Variants in TAF9 observed in about 807,000 individuals in gnomAD.
TAF9 encodes the protein TATA-box binding protein associated factor 9, also known as transcription initiation factor TFIID subunit 9.
TAF9 carries 10 observed loss-of-function variants against 16.5 expected under a neutral mutation model. The observed-to-expected ratio is 0.61, with a 90% confidence interval of 0.37 to 1.03. The LOEUF is 1.03. Ranked by LOEUF, TAF9 falls within the 50% of genes least tolerant of loss-of-function variation. The pLI is 0.01. For synonymous variants in TAF9, 105 were observed against 120.5 expected (o/e 0.87, Z 0.84); for missense variants, 288 against 319.1 (o/e 0.90, Z 0.74).
chr5:69,365,742 T>G lies in TAF9; in HGVS notation c.-5A>C, dbSNP rs747145817. 2 of 1,529,116 alleles carry G rather than the reference T, an allele frequency of 1.3e-6. No homozygotes were observed. Among genetic ancestry groups the G allele is most frequent in the Non-Finnish European group, 1.8e-6 (2 of 1,139,322 alleles). The allele number at this position is 1,529,116 out of a possible 1,614,324, so 94.7% of individuals were successfully genotyped here. ...AGCCGTCTTGCCAGACTCCATGATA[T>G]CCGATGATCAGACTTTAGATCATTT... On this transcript the variant is annotated 5_prime_UTR_variant, in exon 3 of 3. Coordinates refer to ENST00000217893, the MANE Select transcript of TAF9 (RefSeq NM_003187.5).
At position 69,365,347 on chromosome 5, in the gene TAF9, A is replaced by G. The variant is rs1487512422; in HGVS notation, c.391T>C (p.Ser131Pro). 1.2e-6 allele frequency: 2 copies of G among 1,614,218 alleles called. No individual in the cohort carries two copies. Among genetic ancestry groups the G allele is most frequent in the South Asian group, 2.2e-5 (2 of 91,086 alleles). The change falls in exon 3 of 3, where the codon TCT (serine) becomes CCT (proline). Residue 131 changes from serine to proline, a missense_variant. Ser to Pro is a moderately conservative substitution (Grantham distance 74). Transcript: ENST00000217893. ...CLTAPNYRLKSLQKKASTSAG... is the reference protein window; with the variant it reads ...CLTAPNYRLKPLQKKASTSAG... ...GAAGTTGATGCCTTTTTCTGTAAAG[A>G]TTTCAGCCTATAGTTTGGAGCTGTT... is the stretch of plus-strand genomic sequence containing the variant.
At chr5:69,366,817 GGCACA>G in intron 1 of TAF9, 1 of 512,686 alleles carries the variant, frequency 2.0e-6, no homozygotes, top group Non-Finnish European at 3.5e-6. Context: ...GGAGTGCAGT[GGCACA>G]ATCTTGGCTC....
intron 1 of TAF9, 94 bp from the exon 2 acceptor site, chr5:69,366,689 G>T: frequency 1.1e-6 from 1 of 915,570 alleles, no homozygotes; most frequent in Non-Finnish European, 1.8e-6. Flanking sequence ...TTGAGACAGA[G>T]TCTCACCTGG....
At position 69,364,826 on chromosome 5, in the gene TAF9, G is replaced by A. The variant is rs1447506066; in HGVS notation, c.*117C>T. 2.2e-6 allele frequency: 2 copies of A among 901,288 alleles called. No individual in the cohort carries two copies. The highest frequency in any genetic ancestry group is 1.7e-5 in the African/African-American group (1 of 60,126). 55.8% of individuals were successfully genotyped at this position (901,288 alleles called of 1,614,324 possible). A position where few individuals can be genotyped will look rare whatever the true frequency, so the allele number is the denominator to read the frequency against. On this transcript the variant is annotated 3_prime_UTR_variant, in exon 3 of 3. Transcript: ENST00000217893. ...TTCAATTGAAAAGTATGGTAACTGT[G>A]TTTACTCATTATTATTAGTTTTCTA...
rs538654754 is a variant in TAF9 at position 69,367,293 on chromosome 5, A to G, written c.-110-698T>C. Among the ~76,000 whole-genome samples the G allele has an allele frequency of 1.5e-3, 226 of 151,828 alleles. 2 individuals carry two copies. The Middle Eastern group carries it at 0.017, about 11-fold the overall frequency. On this transcript the variant is annotated intron_variant, in intron 1 of 2. Transcript: ENST00000217893. The stretch of plus-strand genomic sequence containing the variant: ...TTTGGGAGGCCGAGGCGGGCAGATC[A>G]CAAGGTCAGGAGATTGAGACAATCC...
intron 1 of TAF9, 35 bp downstream of exon 1, chr5:69,369,428 C>G (rs776580412): frequency 1.9e-6 from 3 of 1,606,780 alleles, no homozygotes; most frequent in Non-Finnish European, 2.5e-6. Flanking sequence ...CCCCAGCCTG[C>G]CCCAGCCCAG....
chr5:69,366,286 G>T (rs1762421325), intron 2 of TAF9, among the ~76,000 whole-genome samples: 1 of 152,110 alleles, frequency 6.6e-6, no homozygotes, highest in African/African-American at 2.4e-5. Flanking sequence ...CTATTCACAA[G>T]AATTGCCAGC....
chr5:69,368,075 C>T (rs569958939), intron 1 of TAF9, among the ~76,000 whole-genome samples: 1 of 152,278 alleles, frequency 6.6e-6, no homozygotes, highest in Admixed American at 6.5e-5. Context: ...CCTCTACTGA[C>T]CCCTTGCGCC....
rs1419597802 is a variant in TAF9, at chr5:69,365,762, T to C, written c.-17-8A>G. 3.3e-6 allele frequency: 5 copies of C among 1,498,276 alleles called. No individual in the cohort carries two copies. The African/African-American group carries it at 4.2e-5, about 13-fold the overall frequency. The allele number at this position is 1,498,276 out of a possible 1,614,324, so 92.8% of individuals were successfully genotyped here. On this transcript the variant is annotated splice_region_variant and splice_polypyrimidine_tract_variant and intron_variant, in intron 2 of 2. Transcript: ENST00000217893. ...TGATATCCGATGATCAGACTTTAGATCATTTGAAAAAAATATGTACATTAG... is the reference window on the plus strand; with the variant it reads ...TGATATCCGATGATCAGACTTTAGACCATTTGAAAAAAATATGTACATTAG...
In TAF9 at chr5:69,369,506, G is replaced by A. The variant is rs1580336434; in HGVS notation, c.-154C>T. The A allele has an allele frequency of 4.3e-6, 7 of 1,611,152 alleles. No individual in the cohort carries two copies. The highest frequency in any genetic ancestry group is 1.1e-5 in the South Asian group (1 of 90,884). ...GAAGCAACATGGTCCCCGCCGCGAC[G>A]GCTTCGGGCGCCTCGCTCACGTGCC... On this transcript the variant is annotated 5_prime_UTR_variant, in exon 1 of 3. Coordinates refer to ENST00000217893, the MANE Select transcript of TAF9 (RefSeq NM_003187.5).
At chr5:69,369,389 G>A in intron 1 of TAF9, 74 bp downstream of exon 1, 1 of 1,550,380 alleles carries the variant, frequency 6.5e-7, no homozygotes, top group Non-Finnish European at 8.7e-7. Flanking sequence ...GCCCCCACCT[G>A]GGCGCCCGAT....
intron 1 of TAF9, among the ~76,000 whole-genome samples, chr5:69,368,389 G>C (rs1185272773): frequency 6.6e-6 from 1 of 152,076 alleles, no homozygotes; most frequent in Non-Finnish European, 1.5e-5. Context: ...GAGAATAACG[G>C]TCACCTCAAG....
intron 1 of TAF9, chr5:69,367,749 T>C (rs990225389): frequency 5.3e-5 from 8 of 152,114 alleles, no homozygotes; most frequent in Admixed American, 5.2e-4. Context: ...TTGGCTATGT[T>C]GCTTAGGCTA....
intron 1 of TAF9, among the ~76,000 whole-genome samples, chr5:69,367,675 G>C (rs1762516096): frequency 6.6e-6 from 1 of 151,942 alleles, no homozygotes; most frequent in Non-Finnish European, 1.5e-5. Flanking sequence ...ATCTCAGCCT[G>C]TCCGGTAGCT....
intron 2 of TAF9, 42 bp downstream of exon 2, chr5:69,366,460 TA>T (rs749083636): frequency 9.0e-4 from 1,165 of 1,292,906 alleles, no homozygotes; most frequent in South Asian, 1.2e-3. Flanking sequence ...TACCAGACCT[TA>T]AAAAAAAAAC....
In TAF9 at chr5:69,364,873, A is replaced by C; in HGVS notation, c.*70T>G. Reference sequence around the variant, plus strand: ...TCTAAAACACAACTTGAAAACATCCAGCATGCATGTTTAATATCAGTACAA... The same window carrying C: ...TCTAAAACACAACTTGAAAACATCCCGCATGCATGTTTAATATCAGTACAA... On this transcript the variant is annotated 3_prime_UTR_variant, in exon 3 of 3. Transcript: ENST00000217893. The C allele has an allele frequency of 1.5e-6, 2 of 1,346,562 alleles. No individual in the cohort carries two copies. The highest frequency in any genetic ancestry group is 2.0e-6 in the Non-Finnish European group (2 of 979,524). 83.4% of individuals were successfully genotyped at this position (1,346,562 alleles called of 1,614,324 possible). A position where few individuals can be genotyped will look rare whatever the true frequency, so the allele number is the denominator to read the frequency against.
upstream of TAF9, chr5:69,369,745 C>T (rs962935880): frequency 2.0e-6 from 3 of 1,523,422 alleles, no homozygotes; most frequent in Non-Finnish European, 2.7e-6. Flanking sequence ...CGCTGGATGC[C>T]TAAGTCACAC....
chr5:69,365,341 G>C lies in TAF9; in HGVS notation c.397C>G (p.Gln133Glu). The C allele has an allele frequency of 6.2e-7, 1 of 1,614,190 alleles. No individual in the cohort carries two copies. Among genetic ancestry groups the C allele is most frequent in the Non-Finnish European group, 8.5e-7 (1 of 1,180,034 alleles). The part of the protein sequence containing the change: ...TAPNYRLKSL[Q>E]KKASTSAGRI... ...CCCGCAGAAGTTGATGCCTTTTTCT[G>C]TAAAGATTTCAGCCTATAGTTTGGA... is the stretch of plus-strand genomic sequence containing the variant. The change falls in exon 3 of 3, where the codon CAG becomes GAG. Residue 133 changes from glutamine to glutamate, a missense_variant. Physicochemically the swap from Gln to Glu is conservative, Grantham distance 29 (BLOSUM62 2). Coordinates refer to ENST00000217893, the MANE Select transcript of TAF9 (RefSeq NM_003187.5).
chr5:69,369,330 G>T, intron 1 of TAF9, 133 bp downstream of exon 1: 1 of 893,306 alleles, frequency 1.1e-6, no homozygotes, highest in Non-Finnish European at 1.5e-6. Context: ...CCGGGGCGCT[G>T]ACAACCGCCT....
Sources: gnomAD v4.1 joint callset for allele counts (sites outside exome capture counted in the v4.1 genomes callset) on GRCh38, gnomAD v4.1.1 for gene constraint, MANE v1.5 for transcripts, NCBI Gene and HGNC (gene_info 2026-07-23, HGNC 2026-07-21) for gene names.